Variants in DAB2IP observed in about 807,000 individuals in gnomAD.
The protein encoded by DAB2IP is DAB2 interacting protein, also known as disabled homolog 2-interacting protein.
Under a neutral mutation model 107.2 loss-of-function variants are expected in DAB2IP, and 28 were observed. The observed-to-expected ratio is 0.26, with a 90% confidence interval of 0.19 to 0.36. The LOEUF (loss-of-function observed/expected upper bound fraction) is 0.36. Ranked by LOEUF, DAB2IP falls within the 10% of genes least tolerant of loss-of-function variation. The probability of loss-of-function intolerance (pLI) is 1.00; values close to 1 mark genes in which losing one functional copy is unlikely to be tolerated. For missense variants in DAB2IP, 1,400 were observed against 1,644.7 expected (o/e 0.85, Z 2.57); for synonymous variants, 755 against 706.4 (o/e 1.07, Z -1.09).
chr9:121,610,022 G>T (rs1195297288), intron 1 of DAB2IP, among the ~76,000 whole-genome samples: 1 of 151,922 alleles, frequency 6.6e-6, no homozygotes, highest in Non-Finnish European at 1.5e-5. Context: ...GCCAAGGTTT[G>T]GGAACTTTCA....
At position 121,773,392 on chromosome 9, in the gene DAB2IP, C is replaced by A; in HGVS notation, c.2864C>A (p.Ser955Ter). 6.3e-7 allele frequency: 1 copy of A among 1,595,746 alleles called. No homozygotes were observed. Among genetic ancestry groups the A allele is most frequent in the Non-Finnish European group, 8.5e-7 (1 of 1,172,184 alleles). Reference sequence around the variant, plus strand: ...AGACCCTCAAGCGGAACCCTGGCGTCGGCCTCACCTGATTGGGTGGGCCCC... The same window carrying A: ...AGACCCTCAAGCGGAACCCTGGCGTAGGCCTCACCTGATTGGGTGGGCCCC... The change falls in exon 12 of 16, where the codon TCG (serine) becomes TAG (stop). Residue 955 changes from serine to a stop codon, truncating the protein, a stop_gained. Transcript: ENST00000408936. LOFTEE classifies it high-confidence loss of function.
chr9:121,579,781 A>G (rs1025301423), intron 1 of DAB2IP, among the ~76,000 whole-genome samples: 1 of 152,224 alleles, frequency 6.6e-6, no homozygotes, highest in African/African-American at 2.4e-5. Context: ...TGTTGAATGA[A>G]TAATGAATGA....
intron 2 of DAB2IP, among the ~76,000 whole-genome samples, chr9:121,691,519 C>CAAA (rs528251007): frequency 4.1e-5 from 3 of 73,658 alleles, no homozygotes; most frequent in Non-Finnish European, 3.0e-5. Flanking sequence ...GACTCCATGT[C>CAAA]AAAAAAAAAA....
exon 16 of DAB2IP, chr9:121,783,076 G>A: frequency 1.9e-6 from 2 of 1,036,226 alleles, no homozygotes; most frequent in Non-Finnish European, 2.3e-6. Flanking sequence ...ACCTGCCACT[G>A]CATGCAGCCT....
In DAB2IP at chr9:121,642,762, TG is replaced by T. The variant is rs1455969878; in HGVS notation, c.41-35912del. On this transcript the variant is annotated intron_variant, in intron 1 of 16. Coordinates refer to the DAB2IP transcript ENST00000259371. ...CAAGGTTCCTGTCCTCATTAAAGTC[TG>T]GGGAAACAAATTAATGAACATCTGA... is the stretch of plus-strand genomic sequence containing the variant. Among the ~76,000 whole-genome samples, 10 of 152,262 alleles carry T rather than the reference TG, an allele frequency of 6.6e-5. No homozygotes were observed. The East Asian group carries it at 1.2e-3, about 18-fold the overall frequency.
At chr9:121,741,396 G>A (rs895329177) in intron 3 of DAB2IP, among the ~76,000 whole-genome samples, 3 of 152,130 alleles carry the variant, frequency 2.0e-5, no homozygotes, top group Non-Finnish European at 2.9e-5. Context: ...GGCCCCTCCC[G>A]GAGAGGCAAA....
intron 1 of DAB2IP, among the ~76,000 whole-genome samples, chr9:121,653,982 C>T (rs900159914): frequency 1.3e-5 from 2 of 152,138 alleles, no homozygotes; most frequent in African/African-American, 4.8e-5. Flanking sequence ...ATAGGGTTTC[C>T]CTTCGCAGAG....
exon 5 of DAB2IP, chr9:121,758,903 G>T (rs190940502): frequency 3.7e-6 from 6 of 1,613,084 alleles, no homozygotes; most frequent in Non-Finnish European, 5.1e-6. Context: ...CACAGGTGAC[G>T]ACGTCATCAG....
Position 121,713,576 on chromosome 9 carries a change from A to C in DAB2IP, c.362+14118A>C, listed in dbSNP as rs566718573. Among the ~76,000 whole-genome samples, 4 of 152,110 alleles carry C rather than the reference A, an allele frequency of 2.6e-5. No individual in the cohort carries two copies. In the South Asian group the frequency reaches 8.3e-4, roughly 32 times the overall value. On this transcript the variant is annotated intron_variant, in intron 3 of 15. Coordinates refer to ENST00000408936, the Ensembl canonical transcript of DAB2IP. ...ACTGGGTATGCACTCAACTTTGGCC[A>C]GTAGTGGTGGTGCAGGGGTGAAGGA... is the stretch of plus-strand genomic sequence containing the variant.
chr9:121,735,511 C>T (rs1831834689), intron 3 of DAB2IP, among the ~76,000 whole-genome samples: 1 of 152,216 alleles, frequency 6.6e-6, no homozygotes. Context: ...AAGGACTGAC[C>T]TGGGGTCTGT....
At chr9:121,757,820 C>A (rs1247495746) in intron 4 of DAB2IP, among the ~76,000 whole-genome samples, 1 of 150,694 alleles carries the variant, frequency 6.6e-6, no homozygotes, top group Non-Finnish European at 1.5e-5. Flanking sequence ...TGCTTCCTAC[C>A]AGTTTCTGGG....
Position 121,760,512 on chromosome 9 carries a change from G to T in DAB2IP, c.1170+73G>T, listed in dbSNP as rs761097332. 6.8e-7 allele frequency: 1 copy of T among 1,463,504 alleles called. No individual in the cohort carries two copies. The highest frequency in any genetic ancestry group is 1.4e-5 in the African/African-American group (1 of 71,052). The allele number at this position is 1,463,504 out of a possible 1,614,324, so 90.7% of individuals were successfully genotyped here. ...GGGTTACCTGCCCTTCCTCACATCC[G>T]TACATTTCAGGCCTAACAGAGGCCT... is the stretch of plus-strand genomic sequence containing the variant. On this transcript the variant is annotated intron_variant, in intron 6 of 15. Transcript: ENST00000408936. This position sits in a 1 kb window ranked among gnomAD's most constrained non-coding sequence, Gnocchi z 5.9.
chr9:121,722,678 A>C (rs1476952611), intron 3 of DAB2IP, among the ~76,000 whole-genome samples: 1 of 151,430 alleles, frequency 6.6e-6, no homozygotes, highest in Admixed American at 6.6e-5. Flanking sequence ...TCATAGGGGG[A>C]GTGACAGACA....
intron 1 of DAB2IP, among the ~76,000 whole-genome samples, chr9:121,671,110 C>T (rs913186641): frequency 6.6e-6 from 1 of 152,120 alleles, no homozygotes; most frequent in African/African-American, 2.4e-5. Context: ...GAGATCGTGC[C>T]ACTGCACTGC....
intron 3 of DAB2IP, among the ~76,000 whole-genome samples, chr9:121,726,578 A>G (rs1831247556): frequency 6.6e-6 from 1 of 152,200 alleles, no homozygotes; most frequent in African/African-American, 2.4e-5. Context: ...TGAGCCCTCA[A>G]CCTGTGGATC....
At chr9:121,752,889 C>T (rs1833222036) in intron 3 of DAB2IP, 1 of 152,248 alleles carries the variant, frequency 6.6e-6, no homozygotes, top group Non-Finnish European at 1.5e-5. Context: ...CACCTTCCTC[C>T]TTTTTCAGAT....
At chr9:121,675,263 G>A (rs542018030) in intron 1 of DAB2IP, among the ~76,000 whole-genome samples, 1 of 152,324 alleles carries the variant, frequency 6.6e-6, no homozygotes, top group Non-Finnish European at 1.5e-5. Context: ...TTCCAGGGAA[G>A]AGAATTCTAG....
rs948140319 is a variant in DAB2IP, at chr9:121,782,149, C to T, written c.3403-182C>T. Among the ~76,000 whole-genome samples the T allele has an allele frequency of 3.9e-5, 6 of 152,100 alleles. No homozygotes were observed. Among genetic ancestry groups the T allele is most frequent in the South Asian group, 2.1e-4 (1 of 4,830 alleles). Reference sequence around the variant, plus strand: ...TGCATTTGGGCTGATAAGCAGGCAGCGAGGCTGTGTCCATGATGCTGCAGA... The same window carrying T: ...TGCATTTGGGCTGATAAGCAGGCAGTGAGGCTGTGTCCATGATGCTGCAGA... On this transcript the variant is annotated intron_variant, in intron 15 of 15. Transcript: ENST00000408936. This position sits in a 1 kb window ranked among gnomAD's most constrained non-coding sequence, Gnocchi z 6.1.
intron 1 of DAB2IP, among the ~76,000 whole-genome samples, chr9:121,600,411 C>G (rs564637591): frequency 9.9e-5 from 15 of 152,158 alleles, no homozygotes; most frequent in Admixed American, 2.0e-4. Flanking sequence ...AGAGTGGGAA[C>G]AGGGACCAAC....
Sources: gnomAD v4.1 joint callset for allele counts (sites outside exome capture counted in the v4.1 genomes callset) on GRCh38, gnomAD v4.1.1 for gene constraint, Gnocchi (gnomAD v3.1) non-coding constraint, MANE v1.5 for transcripts, NCBI Gene and HGNC (gene_info 2026-07-23, HGNC 2026-07-21) for gene names.